Variants in STPG2 observed in about 807,000 individuals in gnomAD.
STPG2 encodes the protein sperm-tail PG-rich repeat-containing protein 2.
Under a neutral mutation model 54.2 loss-of-function variants are expected in STPG2, and 56 were observed. The observed-to-expected ratio is 1.03, with a 90% CI of 0.83 to 1.29. The LOEUF (loss-of-function observed/expected upper bound fraction) is 1.29. STPG2 is among the 50% of genes most tolerant of loss of function. The pLI is 0.00. For missense variants in STPG2, 596 were observed against 544.9 expected, an observed-to-expected ratio of 1.09 and a Z score of -0.93; for synonymous variants, 200 against 181.8, an observed-to-expected ratio of 1.10 and a Z score of -0.81.
At chr4:97,447,145 C>A (rs1157523424) in intron 4 of STPG2, among the ~76,000 whole-genome samples, 1 of 152,212 alleles carries the variant, frequency 6.6e-6, no homozygotes, top group Non-Finnish European at 1.5e-5. Context: ...GTAAAGATTA[C>A]TCTTGCTATG....
At chr4:98,105,546 C>T (rs956879212) in intron 5 of STPG2, among the ~76,000 whole-genome samples, 10 of 151,992 alleles carry the variant, frequency 6.6e-5, no homozygotes, top group African/African-American at 2.4e-4. Context: ...GGACTGGGTC[C>T]AGGATGGGAT....
intron 5 of STPG2, among the ~76,000 whole-genome samples, chr4:98,035,057 A>G (rs1208562316): frequency 2.0e-5 from 3 of 152,220 alleles, no homozygotes. Context: ...TCTTGATTAA[A>G]ACACCAAAAG....
intron 8 of STPG2, among the ~76,000 whole-genome samples, chr4:97,903,430 G>C (rs1731257760): frequency 6.6e-6 from 1 of 150,614 alleles, no homozygotes; most frequent in South Asian, 2.1e-4. Flanking sequence ...AAGTATCTAA[G>C]CATACAATTA....
At chr4:97,691,949 C>T (rs1459403072) in intron 10 of STPG2, among the ~76,000 whole-genome samples, 1 of 152,090 alleles carries the variant, frequency 6.6e-6, no homozygotes, top group Non-Finnish European at 1.5e-5. Context: ...AAATAACATG[C>T]TCTCAGAAAG....
intron 7 of STPG2, among the ~76,000 whole-genome samples, chr4:97,957,960 A>G (rs1399350069): frequency 6.6e-6 from 1 of 152,128 alleles, no homozygotes; most frequent in Non-Finnish European, 1.5e-5. Context: ...ATCAAAACAG[A>G]ACCTCTTTAG....
intron 10 of STPG2, among the ~76,000 whole-genome samples, chr4:97,562,762 T>G (rs1251494135): frequency 6.6e-6 from 1 of 152,208 alleles, no homozygotes; most frequent in Non-Finnish European, 1.5e-5. Context: ...TTGCGTATAT[T>G]GAACCAGCCT....
At chr4:98,075,347 C>T (rs1738128974) in intron 5 of STPG2, among the ~76,000 whole-genome samples, 1 of 152,206 alleles carries the variant, frequency 6.6e-6, no homozygotes, top group Non-Finnish European at 1.5e-5. Context: ...TTACTTAATA[C>T]TCTTGGTTCC....
intron 8 of STPG2, among the ~76,000 whole-genome samples, chr4:97,901,645 C>T (rs973384379): frequency 2.0e-5 from 3 of 151,602 alleles, no homozygotes; most frequent in African/African-American, 7.3e-5. Context: ...ATGCTGAAAA[C>T]TATAAAATAT....
chr4:98,055,078 A>G (rs188799498), intron 5 of STPG2, among the ~76,000 whole-genome samples: 58 of 152,238 alleles, frequency 3.8e-4, no homozygotes, highest in Non-Finnish European at 7.5e-4. Context: ...CTGGATCACA[A>G]AAAGTCTGGG....
chr4:97,518,196 C>T (rs1731113615), intron 4 of STPG2, among the ~76,000 whole-genome samples: 1 of 151,980 alleles, frequency 6.6e-6, no homozygotes, highest in African/African-American at 2.4e-5. Flanking sequence ...TATCAAGACC[C>T]TTCTATGAGA....
At chr4:97,977,074 C>A (rs1229723903) in intron 6 of STPG2, among the ~76,000 whole-genome samples, 1 of 152,102 alleles carries the variant, frequency 6.6e-6, no homozygotes, top group Non-Finnish European at 1.5e-5. Flanking sequence ...ATAGATTGAC[C>A]TTTTCTTTAT....
At chr4:97,445,723 T>A (rs1432760197) in intron 4 of STPG2, among the ~76,000 whole-genome samples, 1 of 152,222 alleles carries the variant, frequency 6.6e-6, no homozygotes, top group Non-Finnish European at 1.5e-5. Flanking sequence ...ATGGCATCTA[T>A]ATGAATTTGA....
chr4:97,683,072 G>T (rs1235689264), intron 10 of STPG2, among the ~76,000 whole-genome samples: 2 of 151,592 alleles, frequency 1.3e-5, no homozygotes. Flanking sequence ...CATGATACTG[G>T]CAAAAAGAAA....
At chr4:98,066,308 T>C (rs558746526) in intron 5 of STPG2, among the ~76,000 whole-genome samples, 43 of 152,184 alleles carry the variant, frequency 2.8e-4, no homozygotes, top group Admixed American at 9.8e-4. Flanking sequence ...ATTTATTCTA[T>C]TTGGAAAAGA....
At chr4:97,635,118 C>T (rs1219003372) in intron 10 of STPG2, among the ~76,000 whole-genome samples, 1 of 151,990 alleles carries the variant, frequency 6.6e-6, no homozygotes, top group African/African-American at 2.4e-5. Flanking sequence ...CAAAGGGAAG[C>T]CCATCAGACT....
At chr4:97,623,417 GA>G (rs564360674) in intron 10 of STPG2, among the ~76,000 whole-genome samples, 2 of 150,076 alleles carry the variant, frequency 1.3e-5, no homozygotes, top group Non-Finnish European at 3.0e-5. Flanking sequence ...ATTTACAACA[GA>G]AAAAAAATTA....
At chr4:97,986,879 C>T (rs1444517769) in intron 5 of STPG2, among the ~76,000 whole-genome samples, 1 of 152,096 alleles carries the variant, frequency 6.6e-6, no homozygotes, top group Non-Finnish European at 1.5e-5. Context: ...TGGCTGTAGA[C>T]CATTACCTGG....
chr4:98,057,051 C>G (rs560501994), intron 5 of STPG2, among the ~76,000 whole-genome samples: 2 of 152,276 alleles, frequency 1.3e-5, no homozygotes, highest in South Asian at 2.1e-4. Flanking sequence ...TGGACTAACA[C>G]AGTAGGCAAC....
At chr4:97,610,479 A>G (rs1352879294) in intron 10 of STPG2, among the ~76,000 whole-genome samples, 1 of 152,036 alleles carries the variant, frequency 6.6e-6, no homozygotes, top group Non-Finnish European at 1.5e-5. Context: ...TGGACATAAC[A>G]AATTACTAGA....
Sources: gnomAD v4.1 joint callset for allele counts (sites outside exome capture counted in the v4.1 genomes callset) on GRCh38, gnomAD v4.1.1 for gene constraint, MANE v1.5 for transcripts, NCBI Gene and HGNC (gene_info 2026-07-23, HGNC 2026-07-21) for gene names.